Variants in TYW1B observed in about 807,000 individuals in gnomAD.
The protein encoded by TYW1B is tRNA-yW synthesizing protein 1 homolog B, also known as S-adenosyl-L-methionine-dependent tRNA 4-demethylwyosine synthase TYW1B.
In TYW1B, 73 loss-of-function variants were observed where a neutral mutation model predicts 86.9. The observed-to-expected ratio is 0.84, with a 90% CI of 0.70 to 1.02. The LOEUF (loss-of-function observed/expected upper bound fraction) is 1.02, where lower values mean the gene tolerates loss of function less well. TYW1B is among the 50% of genes least tolerant of loss of function. The pLI is 0.00. For synonymous variants in TYW1B, 248 were observed against 292.8 expected (o/e 0.85, Z 1.56); for missense variants, 637 against 827.4 (o/e 0.77, Z 2.82).
intron 12 of TYW1B, among the ~76,000 whole-genome samples, chr7:72,625,903 G>GGC (rs1408776755): frequency 2.5e-5 from 3 of 119,646 alleles, no homozygotes; most frequent in East Asian, 5.9e-4. Context: ...GGGCGGGGGG[G>GGC]GGGGAAGAAA....
chr7:72,807,025 G>A, intron 5 of TYW1B, 41 bp downstream of exon 5: 1 of 1,591,058 alleles, frequency 6.3e-7, no homozygotes, highest in East Asian at 2.2e-5. Flanking sequence ...TCTCCAAGCA[G>A]AGGGGGAAAG....
intron 6 of TYW1B, among the ~76,000 whole-genome samples, chr7:72,782,301 A>G (rs148037669): frequency 6.6e-6 from 1 of 152,226 alleles, no homozygotes; most frequent in Non-Finnish European, 1.5e-5. Context: ...AAAATAAAAA[A>G]ATTTAAAAAA....
intron 3 of TYW1B, among the ~76,000 whole-genome samples, chr7:72,814,281 G>GT (rs1788679464): frequency 6.6e-6 from 1 of 151,750 alleles, no homozygotes; most frequent in Non-Finnish European, 1.5e-5. Flanking sequence ...CAGTGAGACC[G>GT]TATCTCTATA....
At chr7:72,740,186 T>C (rs1428038276) in intron 8 of TYW1B, among the ~76,000 whole-genome samples, 6 of 151,748 alleles carry the variant, frequency 4.0e-5, no homozygotes, top group Admixed American at 6.6e-5. Flanking sequence ...TGAGCCGAGA[T>C]TGCACCACTG....
At chr7:72,810,380 G>A (rs1368137055) in intron 4 of TYW1B, 91 bp downstream of exon 4, 53 of 1,254,918 alleles carry the variant, frequency 4.2e-5, no homozygotes, top group Admixed American at 2.9e-4. Context: ...GTGTACGTGT[G>A]TGCACGTGTG....
At chr7:72,810,435 G>C in intron 4 of TYW1B, 36 bp downstream of exon 4, 1 of 1,577,346 alleles carries the variant, frequency 6.3e-7, no homozygotes, top group Non-Finnish European at 8.6e-7. Flanking sequence ...TGTGTTTATG[G>C]GGAGAATTTA....
chr7:72,659,635 G>A (rs1163845728), intron 11 of TYW1B, among the ~76,000 whole-genome samples: 1 of 152,150 alleles, frequency 6.6e-6, no homozygotes, highest in East Asian at 1.9e-4. Flanking sequence ...GGCAAGTTGA[G>A]GTCAAAATAC....
intron 11 of TYW1B, among the ~76,000 whole-genome samples, chr7:72,670,499 TATC>T (rs1216871592): frequency 5.9e-5 from 9 of 152,174 alleles, no homozygotes; most frequent in Non-Finnish European, 1.3e-4. Context: ...CCTCATGTGT[TATC>T]ATTTAATTCC....
chr7:72,729,206 T>G (rs1787061161), intron 8 of TYW1B, among the ~76,000 whole-genome samples: 1 of 152,198 alleles, frequency 6.6e-6, no homozygotes, highest in Non-Finnish European at 1.5e-5. Context: ...CTCTGCTGCT[T>G]TAACCATGTT....
At chr7:72,756,098 A>G (rs1554465942) in intron 7 of TYW1B, among the ~76,000 whole-genome samples, 1 of 152,224 alleles carries the variant, frequency 6.6e-6, no homozygotes, top group Non-Finnish European at 1.5e-5. Flanking sequence ...AGGGAACATA[A>G]GTATGAACCC....
chr7:72,827,629 T>A (rs1447726717), intron 1 of TYW1B, among the ~76,000 whole-genome samples: 4 of 152,302 alleles, frequency 2.6e-5, no homozygotes, highest in African/African-American at 9.6e-5. Flanking sequence ...TAAAAAAAGC[T>A]TAAGTAGTAA....
chr7:72,713,652 C>T lies in TYW1B; in HGVS notation c.1339G>A (p.Val447Ile), dbSNP rs782114238. The change falls in exon 10 of 14, where the codon GTC becomes ATC. Residue 447 changes from valine (V) to isoleucine (I), a missense_variant. Coordinates refer to ENST00000620995, the MANE Select transcript of TYW1B (RefSeq NM_001145440.3). ...LHQCKISSFLVTNAQFPAEIR... is the reference protein window; with the variant it reads ...LHQCKISSFLITNAQFPAEIR... ...TCCGCAGGAAATTGTGCATTTGTGACCAGGAAGCTGGAGATTTTACACTGG... is the reference window on the plus strand; with the variant it reads ...TCCGCAGGAAATTGTGCATTTGTGATCAGGAAGCTGGAGATTTTACACTGG... The T allele has an allele frequency of 1.6e-5, 26 of 1,613,936 alleles. No individual in the cohort carries two copies. The highest frequency in any genetic ancestry group is 2.0e-5 in the Non-Finnish European group (24 of 1,180,010).
At chr7:72,600,279 CT>C (rs1811630245) in intron 13 of TYW1B, among the ~76,000 whole-genome samples, 1 of 152,124 alleles carries the variant, frequency 6.6e-6, no homozygotes, top group Non-Finnish European at 1.5e-5. Context: ...AAATGATAAC[CT>C]TTTCAACAAA....
intron 6 of TYW1B, among the ~76,000 whole-genome samples, chr7:72,796,902 C>T (rs1788314677): frequency 1.5e-5 from 2 of 130,542 alleles, no homozygotes; most frequent in South Asian, 5.0e-4. Context: ...CCTCCTGGGT[C>T]AAGCGATTCT....
chr7:72,675,001 C>T (rs1214625257), intron 11 of TYW1B, among the ~76,000 whole-genome samples: 1 of 152,064 alleles, frequency 6.6e-6, no homozygotes, highest in Non-Finnish European at 1.5e-5. Flanking sequence ...TTCCAAGGAC[C>T]TGCTTAGAAT....
intron 10 of TYW1B, among the ~76,000 whole-genome samples, chr7:72,704,433 TAAAAAAAAAA>T (rs1162253814): frequency 3.2e-5 from 3 of 93,236 alleles, no homozygotes; most frequent in East Asian, 3.0e-4. Context: ...GATTCTATCT[TAAAAAAAAAA>T]AAAAAAAAAA....
At chr7:72,813,745 T>C (rs1179699087) in intron 3 of TYW1B, among the ~76,000 whole-genome samples, 4 of 152,170 alleles carry the variant, frequency 2.6e-5, no homozygotes, top group Non-Finnish European at 1.5e-5. Flanking sequence ...CCAGGCACAG[T>C]GGCTCATGCC....
chr7:72,649,838 C>T (rs1400178238), intron 11 of TYW1B, among the ~76,000 whole-genome samples: 1 of 152,126 alleles, frequency 6.6e-6, no homozygotes. Flanking sequence ...CAAATACTCC[C>T]TCCCTGGAAA....
intron 3 of TYW1B, among the ~76,000 whole-genome samples, chr7:72,811,897 C>T (rs1266039069): frequency 3.6e-4 from 43 of 120,370 alleles, no homozygotes; most frequent in African/African-American, 1.3e-3. Context: ...CCAGCCTGGG[C>T]AACGAAGCGA....
Sources: allele counts gnomAD v4.1 joint callset (sites outside exome capture counted in the v4.1 genomes callset), GRCh38; gene constraint gnomAD v4.1.1; transcripts MANE v1.5; gene names NCBI Gene and HGNC (gene_info 2026-07-23, HGNC 2026-07-21).